The following TMC1 variants were observed in gnomAD, a reference collection of about 807,000 sequenced individuals.
TMC1 encodes transmembrane channel-like protein 1.
A neutral mutation model predicts 105.8 loss-of-function variants in TMC1; 84 were observed. The observed-to-expected ratio is 0.79, with a 90% CI of 0.67 to 0.95. TMC1 has a LOEUF of 0.95. Among genes scored for constraint, TMC1 ranks in the 40% least tolerant of loss-of-function variants. TMC1 has a pLI of 0.00. For synonymous variants in TMC1, 315 were observed against 311.5 expected (o/e 1.01, Z -0.12); for missense variants, 817 against 914.1 (o/e 0.89, Z 1.37).
intron 17 of TMC1, among the ~76,000 whole-genome samples, chr9:72,796,643 G>A (rs922589638): frequency 4.6e-5 from 7 of 152,138 alleles, no homozygotes; most frequent in Non-Finnish European, 8.8e-5. Context: ...CTCCATAGAT[G>A]CAGAAAAAGC....
rs540485067 is a variant in TMC1 at position 72,632,556 on chromosome 9, G to A, written c.-53+4493G>A. On this transcript the variant is annotated intron_variant, in intron 4 of 23. Transcript: ENST00000297784. Reference sequence around the variant, plus strand: ...ATATAGAGGACAGAGAATGGAGTTCGAAGATACATCTAAGAACTTTACATA... The same window carrying A: ...ATATAGAGGACAGAGAATGGAGTTCAAAGATACATCTAAGAACTTTACATA... 9.2e-5 allele frequency among the ~76,000 whole-genome samples: 14 copies of A among 152,216 alleles called. No homozygotes were observed. In the South Asian group the frequency reaches 2.5e-3, roughly 27 times the overall value.
At chr9:72,749,925 G>A (rs1050561323) in intron 10 of TMC1, among the ~76,000 whole-genome samples, 7 of 152,164 alleles carry the variant, frequency 4.6e-5, no homozygotes, top group Non-Finnish European at 5.9e-5. Flanking sequence ...TGGCCAACAT[G>A]GTGAAACCCT....
At chr9:72,625,521 T>C (rs922225915) in intron 3 of TMC1, among the ~76,000 whole-genome samples, 2 of 151,912 alleles carry the variant, frequency 1.3e-5, no homozygotes, top group African/African-American at 4.8e-5. Context: ...ACCCCGTCTC[T>C]ACTAAAAATT....
chr9:72,732,874 T>C (rs1047839812), intron 8 of TMC1, among the ~76,000 whole-genome samples: 25 of 152,286 alleles, frequency 1.6e-4, no homozygotes, highest in Non-Finnish European at 2.4e-4. Context: ...TGAAGTGAGA[T>C]GATGGACACG....
chr9:72,742,577 C>G, intron 10 of TMC1, 52 bp downstream of exon 10: 1 of 1,432,908 alleles, frequency 7.0e-7, no homozygotes, highest in Non-Finnish European at 9.8e-7. Context: ...AGAAGTATCT[C>G]ATAAGCTTAT....
chr9:72,530,547 G>A (rs1823482084), intron 1 of TMC1, among the ~76,000 whole-genome samples: 1 of 150,950 alleles, frequency 6.6e-6, no homozygotes, highest in East Asian at 2.0e-4. Context: ...CCGAGATTGT[G>A]CCACTGCACT....
intron 8 of TMC1, among the ~76,000 whole-genome samples, chr9:72,717,604 G>A (rs1826942495): frequency 6.6e-6 from 1 of 152,132 alleles, no homozygotes; most frequent in Non-Finnish European, 1.5e-5. Flanking sequence ...TTTGTTTAAG[G>A]AGGATAAAAA....
chr9:72,614,741 C>T (rs1020761298), intron 2 of TMC1, among the ~76,000 whole-genome samples: 1 of 152,136 alleles, frequency 6.6e-6, no homozygotes, highest in South Asian at 2.1e-4. Context: ...AATGCAGTGG[C>T]GTGATCTCGG....
intron 1 of TMC1, among the ~76,000 whole-genome samples, chr9:72,566,304 A>G (rs774395650): frequency 6.6e-6 from 1 of 152,178 alleles, no homozygotes; most frequent in Non-Finnish European, 1.5e-5. Flanking sequence ...CTAAACCACT[A>G]CAATCTTAAA....
intron 7 of TMC1, among the ~76,000 whole-genome samples, chr9:72,698,548 A>C (rs1212641806): frequency 1.3e-5 from 2 of 152,220 alleles, no homozygotes; most frequent in Non-Finnish European, 2.9e-5. Context: ...GAGAAACTTC[A>C]ACAGTTAATT....
chr9:72,656,752 T>C (rs1361756221), intron 5 of TMC1, among the ~76,000 whole-genome samples: 1 of 152,238 alleles, frequency 6.6e-6, no homozygotes, highest in African/African-American at 2.4e-5. Flanking sequence ...TGGATTTTTC[T>C]GTATTCCTTT....
intron 10 of TMC1, among the ~76,000 whole-genome samples, chr9:72,750,631 G>A (rs1827567635): frequency 6.6e-6 from 1 of 151,774 alleles, no homozygotes; most frequent in African/African-American, 2.4e-5. Context: ...GAACATTCTT[G>A]CCTATTGCCT....
intron 5 of TMC1, among the ~76,000 whole-genome samples, chr9:72,664,185 A>G (rs1402439392): frequency 6.6e-6 from 1 of 152,260 alleles, no homozygotes; most frequent in Middle Eastern, 3.2e-3. Flanking sequence ...GCAGTAACAG[A>G]GTCGGTTATT....
At chr9:72,809,472 A>T (rs1828656251) in intron 18 of TMC1, among the ~76,000 whole-genome samples, 1 of 152,172 alleles carries the variant, frequency 6.6e-6, no homozygotes, top group Non-Finnish European at 1.5e-5. Flanking sequence ...TGTAGATCCC[A>T]TTGTCATTGA....
intron 15 of TMC1, among the ~76,000 whole-genome samples, chr9:72,789,550 T>G (rs748560319): frequency 6.6e-6 from 1 of 152,058 alleles, no homozygotes; most frequent in East Asian, 1.9e-4. Context: ...AGAAAAGATA[T>G]TAAAAAACAC....
intron 3 of TMC1, among the ~76,000 whole-genome samples, chr9:72,626,482 C>A (rs1032064222): frequency 6.6e-6 from 1 of 152,062 alleles, no homozygotes; most frequent in Non-Finnish European, 1.5e-5. Context: ...AAAAAGCCAA[C>A]AATAGCACCT....
At chr9:72,652,720 C>T (rs1426791528) in intron 5 of TMC1, among the ~76,000 whole-genome samples, 1 of 152,202 alleles carries the variant, frequency 6.6e-6, no homozygotes, top group Non-Finnish European at 1.5e-5. Context: ...AGCAGATTAA[C>T]TACATATTAG....
At chr9:72,553,808 A>G (rs925304155) in intron 1 of TMC1, among the ~76,000 whole-genome samples, 2 of 152,184 alleles carry the variant, frequency 1.3e-5, no homozygotes, top group Non-Finnish European at 2.9e-5. Flanking sequence ...CACCAGTTCT[A>G]TATGGAGCCA....
At chr9:72,734,861 C>G (rs1365664961) in intron 8 of TMC1, among the ~76,000 whole-genome samples, 1 of 152,156 alleles carries the variant, frequency 6.6e-6, no homozygotes, top group Non-Finnish European at 1.5e-5. Context: ...GTCAACCTAA[C>G]CTAACCCAAA....
Sources: gnomAD v4.1 joint callset for allele counts (sites outside exome capture counted in the v4.1 genomes callset) on GRCh38, gnomAD v4.1.1 for gene constraint, MANE v1.5 for transcripts, NCBI Gene and HGNC (gene_info 2026-07-23, HGNC 2026-07-21) for gene names.